COL25A1: variants seen among roughly 807,000 people sequenced by gnomAD.
The protein encoded by COL25A1 is collagen alpha-1(XXV) chain.
In COL25A1, 103 loss-of-function variants were observed where a neutral mutation model predicts 128.4. That is an observed-to-expected ratio of 0.80 (90% CI 0.68 to 0.94). The LOEUF is 0.94. Among genes scored for constraint, COL25A1 ranks in the 40% least tolerant of loss-of-function variants. COL25A1 has a pLI of 0.00. For missense variants in COL25A1, 745 were observed against 840.0 expected, an observed-to-expected ratio of 0.89 and a Z score of 1.40; for synonymous variants, 279 against 277.2, an observed-to-expected ratio of 1.01 and a Z score of -0.06.
intron 3 of COL25A1, among the ~76,000 whole-genome samples, chr4:109,069,304 C>G (rs1445094153): frequency 1.3e-5 from 2 of 151,848 alleles, no homozygotes; most frequent in Non-Finnish European, 2.9e-5. Context: ...CTCGACCTCC[C>G]TGGCTCAATC....
At chr4:108,958,525 A>T (rs1017671420) in intron 8 of COL25A1, among the ~76,000 whole-genome samples, 2 of 151,906 alleles carry the variant, frequency 1.3e-5, no homozygotes, top group Non-Finnish European at 2.9e-5. Context: ...ATAAACCAAC[A>T]TTTTTTTAAA....
intron 3 of COL25A1, among the ~76,000 whole-genome samples, chr4:109,077,000 T>C (rs1763435727): frequency 6.6e-6 from 1 of 152,124 alleles, no homozygotes; most frequent in South Asian, 2.1e-4. Flanking sequence ...AGGCCCAGTT[T>C]CTAAGAGGCC....
At chr4:108,935,896 T>A (rs1042157902) in intron 11 of COL25A1, among the ~76,000 whole-genome samples, 7 of 152,160 alleles carry the variant, frequency 4.6e-5, no homozygotes, top group Admixed American at 3.3e-4. Flanking sequence ...CATTGTATAT[T>A]AGGATGCTGT....
intron 16 of COL25A1, among the ~76,000 whole-genome samples, chr4:108,893,299 G>C (rs1741736336): frequency 6.6e-6 from 1 of 152,148 alleles, no homozygotes; most frequent in Non-Finnish European, 1.5e-5. Flanking sequence ...GAGTGATGTG[G>C]CCAAACCATT....
chr4:108,863,697 C>T (rs1410034874), intron 20 of COL25A1, among the ~76,000 whole-genome samples: 5 of 152,108 alleles, frequency 3.3e-5, no homozygotes, highest in Admixed American at 6.5e-5. Flanking sequence ...TGACTGAGTA[C>T]GGAAGATCTA....
intron 3 of COL25A1, among the ~76,000 whole-genome samples, chr4:109,072,165 G>T (rs1763026182): frequency 6.6e-6 from 1 of 152,180 alleles, no homozygotes; most frequent in South Asian, 2.1e-4. Context: ...CTGCCTAATT[G>T]CTTTCCAAAA....
intron 3 of COL25A1, among the ~76,000 whole-genome samples, chr4:109,063,607 A>G (rs1762170851): frequency 6.6e-6 from 1 of 152,150 alleles, no homozygotes; most frequent in Non-Finnish European, 1.5e-5. Flanking sequence ...CTTGGGAAGC[A>G]GAGGCAGGAG....
chr4:108,942,336 A>T, intron 8 of COL25A1: 1 of 1,413,698 alleles, frequency 7.1e-7, no homozygotes, highest in Non-Finnish European at 9.8e-7. Context: ...ACTAGGGGAC[A>T]AACAAAACAA....
At position 108,859,781 on chromosome 4, in the gene COL25A1, G is replaced by T. The variant is rs770793322; in HGVS notation, c.1243-48C>A. On this transcript the variant is annotated intron_variant, in intron 23 of 37. Coordinates refer to ENST00000399132, the MANE Select transcript of COL25A1 (RefSeq NM_198721.4). The stretch of plus-strand genomic sequence containing the variant: ...AAAATCATGGGTATTAGCTTAGCAT[G>T]TAGGGTGGACTGTGGCAGAAACAGA... The T allele has an allele frequency of 2.8e-6, 4 of 1,422,118 alleles. No homozygotes were observed. The South Asian group carries it at 3.5e-5, about 12-fold the overall frequency. The allele number at this position is 1,422,118 out of a possible 1,614,324, so 88.1% of individuals were successfully genotyped here.
chr4:109,278,499 G>T (rs987760499), intron 3 of COL25A1, among the ~76,000 whole-genome samples: 2 of 152,112 alleles, frequency 1.3e-5, no homozygotes, highest in Non-Finnish European at 2.9e-5. Context: ...AGAGCTGAAG[G>T]TCCGTTGGCC....
chr4:109,087,867 G>A (rs1764553189), intron 3 of COL25A1, among the ~76,000 whole-genome samples: 1 of 151,842 alleles, frequency 6.6e-6, no homozygotes, highest in Non-Finnish European at 1.5e-5. Flanking sequence ...GATATACACT[G>A]TTCTGTGATT....
chr4:108,853,430 C>T (rs1365581416), intron 24 of COL25A1, among the ~76,000 whole-genome samples: 1 of 151,736 alleles, frequency 6.6e-6, no homozygotes, highest in Non-Finnish European at 1.5e-5. Flanking sequence ...TATTAGTCGA[C>T]ATAGAATTAA....
chr4:108,836,281 A>G (rs1001829484), intron 31 of COL25A1, among the ~76,000 whole-genome samples: 1 of 152,246 alleles, frequency 6.6e-6, no homozygotes, highest in African/African-American at 2.4e-5. Context: ...AAAATTATCA[A>G]TAGCCCTAAA....
At chr4:109,208,894 A>G (rs1191381555) in intron 3 of COL25A1, among the ~76,000 whole-genome samples, 2 of 152,210 alleles carry the variant, frequency 1.3e-5, no homozygotes, top group Non-Finnish European at 2.9e-5. Context: ...CATAAACCAG[A>G]CTGTTTCTTA....
At chr4:108,950,531 T>C (rs1276565843) in intron 8 of COL25A1, among the ~76,000 whole-genome samples, 1 of 152,154 alleles carries the variant, frequency 6.6e-6, no homozygotes, top group South Asian at 2.1e-4. Context: ...TCCGCCTAGA[T>C]GAATGCTGGA....
chr4:109,081,349 G>A (rs1310129932), intron 3 of COL25A1, among the ~76,000 whole-genome samples: 2 of 152,258 alleles, frequency 1.3e-5, no homozygotes, highest in African/African-American at 4.8e-5. Flanking sequence ...AGATTAGATA[G>A]AATATTAATT....
intron 3 of COL25A1, among the ~76,000 whole-genome samples, chr4:109,088,550 C>G (rs1764615088): frequency 6.6e-6 from 1 of 152,132 alleles, no homozygotes; most frequent in Non-Finnish European, 1.5e-5. Flanking sequence ...GAACTTATCC[C>G]ATTCAACTTG....
chr4:109,292,055 G>A (rs545773733), intron 3 of COL25A1, among the ~76,000 whole-genome samples: 1 of 152,134 alleles, frequency 6.6e-6, no homozygotes, highest in South Asian at 2.1e-4. Flanking sequence ...TAAGTCCTCT[G>A]GGGCTTGGAC....
chr4:108,817,382 T>C lies in COL25A1; in HGVS notation c.1962+15A>G. The C allele has an allele frequency of 1.2e-6, 2 of 1,612,768 alleles. No individual in the cohort carries two copies. The highest frequency in any genetic ancestry group is 1.7e-6 in the Non-Finnish European group (2 of 1,178,924). On this transcript the variant is annotated intron_variant, in intron 37 of 37. Coordinates refer to ENST00000399132, the MANE Select transcript of COL25A1 (RefSeq NM_198721.4). Reference sequence around the variant, plus strand: ...GGAGAGTGCTTCTTTTGAGAAATTATTCAGTAAAGCCTACCTTTTGCCAAC... The same window carrying C: ...GGAGAGTGCTTCTTTTGAGAAATTACTCAGTAAAGCCTACCTTTTGCCAAC...
Sources: allele counts gnomAD v4.1 joint callset (sites outside exome capture counted in the v4.1 genomes callset), GRCh38; gene constraint gnomAD v4.1.1; transcripts MANE v1.5; gene names NCBI Gene and HGNC (gene_info 2026-07-23, HGNC 2026-07-21).